VPS13B: variants seen among roughly 807,000 people sequenced by gnomAD.
VPS13B encodes the protein vacuolar protein sorting 13 homolog B, also known as intermembrane lipid transfer protein VPS13B.
A neutral mutation model predicts 426.4 loss-of-function variants in VPS13B; 285 were observed. The observed-to-expected ratio is 0.67, with a 90% CI of 0.61 to 0.74. VPS13B has a LOEUF of 0.74. Among genes scored for constraint, VPS13B ranks in the 30% least tolerant of loss-of-function variants. The probability of loss-of-function intolerance (pLI) is 0.00; values close to 1 mark genes in which losing one functional copy is unlikely to be tolerated. For synonymous variants in VPS13B, 1,676 were observed against 1,676.4 expected (o/e 1.00, Z 0.01); for missense variants, 4,537 against 4,782.6 (o/e 0.95, Z 1.51).
intron 29 of VPS13B, among the ~76,000 whole-genome samples, chr8:99,516,272 G>C (rs1252653297): frequency 6.6e-6 from 1 of 152,064 alleles, no homozygotes; most frequent in Non-Finnish European, 1.5e-5. Context: ...TTAAAGTGTA[G>C]ATAATTCTTA....
chr8:99,778,679 C>A lies in VPS13B; in HGVS notation c.7430-3C>A. The stretch of plus-strand genomic sequence containing the variant: ...CTGTTTTCCTTGTTTGTTTTCTCAA[C>A]AGCTGCACCACAGTACCTACAGCCA... On this transcript the variant is annotated splice_polypyrimidine_tract_variant and splice_region_variant and intron_variant, in intron 41 of 61. Transcript: ENST00000357162. 1 of 1,613,262 alleles carries A rather than the reference C, an allele frequency of 6.2e-7. No homozygotes were observed. Among genetic ancestry groups the A allele is most frequent in the Non-Finnish European group, 8.5e-7 (1 of 1,179,350 alleles).
In VPS13B at chr8:99,218,235, AGAG is replaced by A. The variant is rs1369329086; in HGVS notation, c.2515+25184_2515+25186del. On this transcript the variant is annotated intron_variant, in intron 17 of 61. Coordinates refer to ENST00000357162, the MANE Select transcript of VPS13B (RefSeq NM_152564.5). ...TTTACATTATTAGAGGATTGAAAAAAGAGGAGGAAGAAGAAGAAATGTGAGTCC... is the reference window on the plus strand; with the variant it reads ...TTTACATTATTAGAGGATTGAAAAAAGAGGAAGAAGAAGAAATGTGAGTCC... Among the ~76,000 whole-genome samples the A allele has an allele frequency of 2.6e-5, 4 of 152,186 alleles. No individual in the cohort carries two copies. In the East Asian group the frequency reaches 7.7e-4, roughly 29 times the overall value.
intron 54 of VPS13B, among the ~76,000 whole-genome samples, chr8:99,845,102 G>T (rs921912476): frequency 6.6e-6 from 1 of 152,082 alleles, no homozygotes; most frequent in African/African-American, 2.4e-5. Context: ...TTTCAATATC[G>T]ATTTCTACTG....
At chr8:99,096,608 T>G (rs572157755) in intron 4 of VPS13B, among the ~76,000 whole-genome samples, 176 bp downstream of exon 4, 9 of 151,780 alleles carry the variant, frequency 5.9e-5, no homozygotes, top group South Asian at 4.2e-4. Flanking sequence ...ATACAAAAAT[T>G]AGCCGGGTGT....
At chr8:99,477,661 A>G (rs1038357514) in intron 24 of VPS13B, among the ~76,000 whole-genome samples, 1 of 152,108 alleles carries the variant, frequency 6.6e-6, no homozygotes, top group African/African-American at 2.4e-5. Context: ...TGTTGCCTAG[A>G]TAGAGTACCT....
chr8:99,515,332 T>C lies in VPS13B; in HGVS notation c.4633+3820T>C, dbSNP rs141824817. 3.6e-3 allele frequency among the ~76,000 whole-genome samples: 553 copies of C among 152,256 alleles called. 4 individuals are homozygous for C. Among genetic ancestry groups the C allele is most frequent in the African/African-American group, 0.012 (489 of 41,554 alleles). ...TCAACTAATTGTAATTGCAGAAATATTTCCAGACTTCTGCCATCTTATTTT... is the reference window on the plus strand; with the variant it reads ...TCAACTAATTGTAATTGCAGAAATACTTCCAGACTTCTGCCATCTTATTTT... On this transcript the variant is annotated intron_variant, in intron 29 of 61. Transcript: ENST00000357162.
chr8:99,661,266 T>C (rs1830212315), intron 34 of VPS13B, 88 bp from the exon 35 acceptor site: 1 of 1,535,654 alleles, frequency 6.5e-7, no homozygotes, highest in East Asian at 2.3e-5. Flanking sequence ...TAACCAGTTT[T>C]TCTCTCATTT....
intron 35 of VPS13B, among the ~76,000 whole-genome samples, chr8:99,690,397 A>G (rs867441975): frequency 2.6e-5 from 4 of 152,186 alleles, no homozygotes; most frequent in African/African-American, 4.8e-5. Flanking sequence ...GGGTTAAACA[A>G]TGGTTTCTTG....
rs763725361 is a variant in VPS13B at position 99,853,922 on chromosome 8, A to T, written c.10533A>T (p.Thr3511=). ...LKPARLYVED[T]FVYYIKTLFD... is the part of the protein sequence containing the mutation. The stretch of plus-strand genomic sequence containing the variant: ...CTGCTCGGTTATACGTGGAAGACAC[A>T]TTTGTATACTACATCAAGACTTTGT... The change falls in exon 56 of 62, where the codon ACA becomes ACT. Residue 3511 remains threonine, a synonymous_variant. Coordinates refer to ENST00000357162, the MANE Select transcript of VPS13B (RefSeq NM_152564.5). 1.2e-6 allele frequency: 2 copies of T among 1,614,264 alleles called. No individual in the cohort carries two copies. Among genetic ancestry groups the T allele is most frequent in the Admixed American group, 1.7e-5 (1 of 60,024 alleles).
At chr8:99,342,330 A>G (rs1811297370) in intron 19 of VPS13B, among the ~76,000 whole-genome samples, 1 of 152,230 alleles carries the variant, frequency 6.6e-6, no homozygotes, top group African/African-American at 2.4e-5. Context: ...ATTGTACAAT[A>G]GATCTCAACA....
intron 5 of VPS13B, among the ~76,000 whole-genome samples, chr8:99,104,041 A>G (rs1306319643): frequency 1.3e-5 from 2 of 152,226 alleles, no homozygotes. Flanking sequence ...CAACAGGGAC[A>G]TATTCTGAGA....
chr8:99,864,813 G>A (rs1290422323), intron 58 of VPS13B, among the ~76,000 whole-genome samples: 1 of 152,200 alleles, frequency 6.6e-6, no homozygotes, highest in African/African-American at 2.4e-5. Flanking sequence ...CAAACCTCCA[G>A]CAAGGACAGG....
chr8:99,391,830 A>G, intron 21 of VPS13B, 126 bp downstream of exon 21: 2 of 1,250,292 alleles, frequency 1.6e-6, no homozygotes, highest in Non-Finnish European at 1.1e-6. Flanking sequence ...AAAGAACTTT[A>G]TTATCCACAA....
intron 39 of VPS13B, among the ~76,000 whole-genome samples, chr8:99,736,567 T>C (rs1833840441): frequency 6.6e-6 from 1 of 152,088 alleles, no homozygotes; most frequent in African/African-American, 2.4e-5. Context: ...AGCGAGACTC[T>C]TGACTCCAAA....
chr8:99,135,706 AT>A lies in VPS13B; in HGVS notation c.1539del (p.Phe513LeufsTer15). 1.2e-6 allele frequency: 2 copies of A among 1,613,368 alleles called. No individual in the cohort carries two copies. Among genetic ancestry groups the A allele is most frequent in the Non-Finnish European group, 1.7e-6 (2 of 1,179,470 alleles). ...CAGAAAATAATGGTACTCGCGCAGA[AT>A]TTATCTTGGATTCAACTCATCATAA... is the stretch of plus-strand genomic sequence containing the variant. The part of the protein sequence containing the change: ...SPENNGTRAE[F>X]ILDSTHHKET... On this transcript the variant is annotated frameshift_variant, in exon 11 of 62. Coordinates refer to ENST00000357162, the MANE Select transcript of VPS13B (RefSeq NM_152564.5). LOFTEE classifies it high-confidence loss of function.
At chr8:99,637,429 C>T (rs1829116365) in intron 33 of VPS13B, among the ~76,000 whole-genome samples, 1 of 152,008 alleles carries the variant, frequency 6.6e-6, no homozygotes, top group South Asian at 2.1e-4. Flanking sequence ...GTAAGTTGTA[C>T]TTTTTCTTTT....
At chr8:99,637,322 G>C (rs1829112030) in intron 33 of VPS13B, among the ~76,000 whole-genome samples, 1 of 151,916 alleles carries the variant, frequency 6.6e-6, no homozygotes, top group Admixed American at 6.6e-5. Context: ...TCATCAGCTT[G>C]TTTACTTCAG....
intron 19 of VPS13B, among the ~76,000 whole-genome samples, chr8:99,309,136 G>C (rs1415291147): frequency 4.6e-5 from 7 of 152,124 alleles, no homozygotes; most frequent in Non-Finnish European, 7.4e-5. Flanking sequence ...TAGGTTGCCT[G>C]TTTACTCTGA....
chr8:99,550,496 C>G (rs966308065), intron 30 of VPS13B, among the ~76,000 whole-genome samples: 26 of 150,980 alleles, frequency 1.7e-4, no homozygotes, highest in African/African-American at 6.1e-4. Flanking sequence ...AGTTATGTTT[C>G]CTTTTTTCTT....
Sources: gnomAD v4.1 joint callset for allele counts (sites outside exome capture counted in the v4.1 genomes callset) on GRCh38, gnomAD v4.1.1 for gene constraint, MANE v1.5 for transcripts, NCBI Gene and HGNC (gene_info 2026-07-23, HGNC 2026-07-21) for gene names.